FARS2: variants seen among roughly 807,000 people sequenced by gnomAD.
The protein encoded by FARS2 is phenylalanyl-tRNA synthetase 2, mitochondrial, also known as phenylalanine--tRNA ligase, mitochondrial.
FARS2 carries 40 observed loss-of-function variants against 46.4 expected under a neutral mutation model. The observed-to-expected ratio is 0.86, with a 90% CI of 0.67 to 1.12. The LOEUF (loss-of-function observed/expected upper bound fraction) is 1.12, where lower values mean the gene tolerates loss of function less well. Ranked by LOEUF, FARS2 falls within the 50% of genes most tolerant of loss-of-function variation. The pLI is 0.00. For synonymous variants in FARS2, 234 were observed against 214.9 expected, an observed-to-expected ratio of 1.09 and a Z score of -0.78; for missense variants, 513 against 567.9, an observed-to-expected ratio of 0.90 and a Z score of 0.98.
intron 2 of FARS2, among the ~76,000 whole-genome samples, chr6:5,387,351 G>A (rs1045642690): frequency 1.3e-5 from 2 of 152,168 alleles, no homozygotes; most frequent in Non-Finnish European, 2.9e-5. Flanking sequence ...TACAAAGGTA[G>A]GAATGAAGGA....
chr6:5,341,235 A>ATATATATATATATATTT (rs1561970178), intron 1 of FARS2, among the ~76,000 whole-genome samples: 1 of 10,272 alleles, frequency 9.7e-5, no homozygotes, highest in Non-Finnish European at 2.0e-4. Context: ...ATATATATAT[A>ATATATATATATATATTT]TTTTTTTTTT....
intron 1 of FARS2, among the ~76,000 whole-genome samples, chr6:5,284,368 T>G (rs2127870562): frequency 6.6e-6 from 1 of 152,326 alleles, no homozygotes; most frequent in South Asian, 2.1e-4. Context: ...ATTTTAACTT[T>G]GGTCCAATGT....
At chr6:5,424,597 G>A (rs1377723737) in intron 3 of FARS2, among the ~76,000 whole-genome samples, 1 of 152,158 alleles carries the variant, frequency 6.6e-6, no homozygotes, top group Non-Finnish European at 1.5e-5. Flanking sequence ...ACAGATATTT[G>A]TATTGGCTTA....
At chr6:5,390,556 C>G (rs1348184417) in intron 2 of FARS2, among the ~76,000 whole-genome samples, 1 of 152,178 alleles carries the variant, frequency 6.6e-6, no homozygotes, top group Non-Finnish European at 1.5e-5. Flanking sequence ...AGTGTCTTTT[C>G]TGTGTGAAGG....
chr6:5,318,870 A>T (rs1314528896), intron 1 of FARS2, among the ~76,000 whole-genome samples: 1 of 152,172 alleles, frequency 6.6e-6, no homozygotes, highest in Non-Finnish European at 1.5e-5. Flanking sequence ...ACTGCCATGC[A>T]GAAAAGGGCG....
chr6:5,330,511 A>G (rs1770726583), intron 1 of FARS2, among the ~76,000 whole-genome samples: 1 of 152,144 alleles, frequency 6.6e-6, no homozygotes, highest in Non-Finnish European at 1.5e-5. Context: ...ACATGGTATG[A>G]TATAGGCTAG....
chr6:5,310,326 G>A (rs566483259), intron 1 of FARS2, among the ~76,000 whole-genome samples: 1 of 151,702 alleles, frequency 6.6e-6, no homozygotes, highest in Non-Finnish European at 1.5e-5. Flanking sequence ...GAGTGGTGAA[G>A]GCCTTTCTAA....
At chr6:5,653,363 C>A (rs1474850988) in intron 6 of FARS2, among the ~76,000 whole-genome samples, 1 of 152,154 alleles carries the variant, frequency 6.6e-6, no homozygotes, top group Non-Finnish European at 1.5e-5. Flanking sequence ...TCTATGCAAA[C>A]CCTATTGCTC....
chr6:5,255,211 G>A, the FARS2 span, among the ~76,000 whole-genome samples: 17 of 152,114 alleles, frequency 1.1e-4, no homozygotes, highest in Non-Finnish European at 1.2e-4. Flanking sequence ...CCTTTCAGGG[G>A]ATCCACCAGG....
intron 2 of FARS2, among the ~76,000 whole-genome samples, chr6:5,396,011 T>G (rs1408705683): frequency 6.6e-6 from 1 of 152,206 alleles, no homozygotes; most frequent in Admixed American, 6.5e-5. Context: ...AGTATTCTAT[T>G]AGGATAACTC....
intron 5 of FARS2, chr6:5,609,333 G>C (rs1451803903): frequency 2.0e-5 from 23 of 1,177,470 alleles, no homozygotes; most frequent in African/African-American, 2.9e-5. Flanking sequence ...ATAGGGACCA[G>C]AGCTTCTGCC....
chr6:5,496,575 G>T (rs924723502), intron 4 of FARS2, among the ~76,000 whole-genome samples: 17 of 152,142 alleles, frequency 1.1e-4, no homozygotes, highest in Non-Finnish European at 2.2e-4. Flanking sequence ...TGTTAGTAGG[G>T]CTGGTTTCTC....
chr6:5,608,320 A>G (rs1774964406), intron 5 of FARS2, among the ~76,000 whole-genome samples: 1 of 152,158 alleles, frequency 6.6e-6, no homozygotes, highest in Non-Finnish European at 1.5e-5. Context: ...CATTAGGTTC[A>G]TAGCTGTTTC....
At chr6:5,669,671 C>A (rs2150804295) in intron 6 of FARS2, among the ~76,000 whole-genome samples, 1 of 152,230 alleles carries the variant, frequency 6.6e-6, no homozygotes, top group South Asian at 2.1e-4. Context: ...AGGCCCAAGT[C>A]AAGAGCTCCC....
chr6:5,260,636 C>T, upstream of FARS2: 1 of 1,533,452 alleles, frequency 6.5e-7, no homozygotes, highest in South Asian at 1.2e-5. Flanking sequence ...CCCCCGGTGC[C>T]CGCTGGGTCA....
chr6:5,369,201 C>T lies in FARS2; in HGVS notation c.612+19C>T. On this transcript the variant is annotated intron_variant, in intron 2 of 6. Coordinates refer to ENST00000274680, the MANE Select transcript of FARS2 (RefSeq NM_006567.5). ...GCATGAGGTGAGTCTTGAGATGTTT[C>T]TCATCGCTGAAGGATGTCATAGACA... 2 of 1,597,010 alleles carry T rather than the reference C, an allele frequency of 1.3e-6. No individual in the cohort carries two copies. Among genetic ancestry groups the T allele is most frequent in the Non-Finnish European group, 1.7e-6 (2 of 1,176,152 alleles).
intron 2 of FARS2, among the ~76,000 whole-genome samples, chr6:5,400,275 G>T (rs1354367254): frequency 6.6e-6 from 1 of 151,782 alleles, no homozygotes. Context: ...TTGATGAATT[G>T]TCTGTTCTTT....
At chr6:5,600,180 A>G (rs1280565920) in intron 5 of FARS2, among the ~76,000 whole-genome samples, 1 of 152,244 alleles carries the variant, frequency 6.6e-6, no homozygotes, top group East Asian at 1.9e-4. Flanking sequence ...GAAACATCAA[A>G]AGTTAATTGA....
In FARS2 at chr6:5,761,384, T is replaced by C. The variant is rs144604042; in HGVS notation, c.1218-9907T>C. Among the ~76,000 whole-genome samples the C allele has an allele frequency of 1.6e-4, 24 of 152,338 alleles. 1 individual carries two copies. Among genetic ancestry groups the C allele is most frequent in the Admixed American group, 2.6e-4 (4 of 15,310 alleles). Reference sequence around the variant, plus strand: ...AGAACAGCCACTCCATGAATATGTATGTATTGATCAAGCAGTTCGTATACC... The same window carrying C: ...AGAACAGCCACTCCATGAATATGTACGTATTGATCAAGCAGTTCGTATACC... On this transcript the variant is annotated intron_variant, in intron 6 of 6. Coordinates refer to ENST00000274680, the MANE Select transcript of FARS2 (RefSeq NM_006567.5).
Sources: allele counts gnomAD v4.1 joint callset (sites outside exome capture counted in the v4.1 genomes callset), GRCh38; gene constraint gnomAD v4.1.1; transcripts MANE v1.5; gene names NCBI Gene and HGNC (gene_info 2026-07-23, HGNC 2026-07-21).